The following GLIS1 variants were observed in gnomAD, a reference collection of about 807,000 sequenced individuals.
The protein encoded by GLIS1 is GLIS family zinc finger 1, also known as zinc finger protein GLIS1.
In GLIS1, 24 loss-of-function variants were observed where a neutral mutation model predicts 63.8. The observed-to-expected ratio is 0.38, with a 90% CI of 0.27 to 0.53. The LOEUF is 0.53. Among genes scored for constraint, GLIS1 ranks in the 20% least tolerant of loss-of-function variants. GLIS1 has a pLI of 0.85. For missense variants in GLIS1, 1,036 were observed against 1,074.1 expected (o/e 0.96, Z 0.50); for synonymous variants, 450 against 482.5 (o/e 0.93, Z 0.88).
Position 53,525,342 on chromosome 1 carries a change from G to A in GLIS1, c.1483-455C>T, listed in dbSNP as rs529026928. Among the ~76,000 whole-genome samples the A allele has an allele frequency of 9.1e-5, 12 of 132,460 alleles. 1 individual carries two copies. Among genetic ancestry groups the A allele is most frequent in the Admixed American group, 4.8e-4 (6 of 12,426 alleles). The allele number at this position is 132,460 out of a possible 152,430, so 86.9% of individuals were successfully genotyped here. On this transcript the variant is annotated intron_variant, in intron 5 of 10. Transcript: ENST00000628545. ...AGGGCCAGGCTAGGCGGCACTGACC[G>A]CACCTTGCAGGTAGGTGCAGAGGCA... is the stretch of plus-strand genomic sequence containing the variant.
At chr1:53,676,465 C>G (rs962190897) in intron 2 of GLIS1, among the ~76,000 whole-genome samples, 1 of 152,158 alleles carries the variant, frequency 6.6e-6, no homozygotes, top group African/African-American at 2.4e-5. Context: ...CCAACACACC[C>G]CCATAGGCCC....
intron 2 of GLIS1, among the ~76,000 whole-genome samples, chr1:53,654,809 G>T (rs1218056079): frequency 6.6e-6 from 1 of 152,002 alleles, no homozygotes; most frequent in African/African-American, 2.4e-5. Flanking sequence ...AGCAAGCCAG[G>T]GCTCCGAGAA....
At chr1:53,655,206 C>T (rs1322865680) in intron 2 of GLIS1, among the ~76,000 whole-genome samples, 2 of 152,100 alleles carry the variant, frequency 1.3e-5, no homozygotes, top group Non-Finnish European at 2.9e-5. Flanking sequence ...TCACCTGACA[C>T]CTTACTTAAA....
intron 2 of GLIS1, among the ~76,000 whole-genome samples, chr1:53,615,492 G>A (rs574364255): frequency 1.5e-4 from 23 of 152,292 alleles, no homozygotes; most frequent in African/African-American, 5.5e-4. Flanking sequence ...AGGTCCCAAG[G>A]AGCTGGAGCT....
At chr1:53,569,950 G>T (rs190203914) in intron 4 of GLIS1, among the ~76,000 whole-genome samples, 1 of 152,078 alleles carries the variant, frequency 6.6e-6, no homozygotes, top group African/African-American at 2.4e-5. Flanking sequence ...ACATGTTTAT[G>T]AACAATAAGA....
chr1:53,587,680 T>A (rs1645149291), intron 4 of GLIS1, among the ~76,000 whole-genome samples: 1 of 152,158 alleles, frequency 6.6e-6, no homozygotes, highest in Non-Finnish European at 1.5e-5. Flanking sequence ...GGTGACTGGG[T>A]GCTGGCTTCT....
rs1436788167 is a variant in GLIS1, at chr1:53,713,230, T to C, written c.259+24576A>G. ...CCAGCCTGGGCAACATGGTGAGACC[T>C]CATCTCTTCAAGACCAGCCTGGGCA... On this transcript the variant is annotated intron_variant, in intron 2 of 10. Coordinates refer to ENST00000628545, the MANE Select transcript of GLIS1 (RefSeq NM_001367484.1). Among the ~76,000 whole-genome samples, 16 of 57,182 alleles carry C rather than the reference T, an allele frequency of 2.8e-4. 1 individual carries two copies. The highest frequency in any genetic ancestry group is 0.01 in the Middle Eastern group (1 of 98). The allele number at this position is 57,182 out of a possible 152,430, so 37.5% of individuals were successfully genotyped here.
intron 4 of GLIS1, among the ~76,000 whole-genome samples, chr1:53,535,904 G>C (rs998286173): frequency 3.3e-5 from 5 of 152,058 alleles, no homozygotes; most frequent in African/African-American, 1.2e-4. Flanking sequence ...GTCCCTTGGT[G>C]CTGGCTTGGT....
chr1:53,545,387 T>C (rs1644687501), intron 4 of GLIS1, among the ~76,000 whole-genome samples: 2 of 152,234 alleles, frequency 1.3e-5, no homozygotes, highest in Non-Finnish European at 2.9e-5. Flanking sequence ...GGCGGCATCA[T>C]GGGGCAGACT....
chr1:53,664,928 C>T (rs1339562976), intron 2 of GLIS1, among the ~76,000 whole-genome samples: 1 of 151,888 alleles, frequency 6.6e-6, no homozygotes, highest in Non-Finnish European at 1.5e-5. Context: ...TGAGGGTGAG[C>T]AAGGAGGCCT....
intron 4 of GLIS1, among the ~76,000 whole-genome samples, chr1:53,566,236 G>C (rs1644935935): frequency 6.6e-6 from 1 of 152,034 alleles, no homozygotes; most frequent in Admixed American, 6.6e-5. Flanking sequence ...GGAAGTCCTA[G>C]CTAAGGAAGG....
intron 2 of GLIS1, among the ~76,000 whole-genome samples, chr1:53,613,250 A>G (rs7542387): frequency 0.53 from 80,392 of 152,060 alleles, 24,140 homozygotes; most frequent in Non-Finnish European, 0.66. Flanking sequence ...ATTCCATTCT[A>G]TGGTTGTACA....
intron 4 of GLIS1, among the ~76,000 whole-genome samples, chr1:53,585,854 A>T (rs1546806): frequency 0.049 from 7,385 of 152,268 alleles, 567 homozygotes; most frequent in East Asian, 0.39. Flanking sequence ...CTCTGCAGGT[A>T]CAGAGCACAG....
intron 2 of GLIS1, among the ~76,000 whole-genome samples, chr1:53,650,660 C>T (rs567812457): frequency 8.6e-5 from 13 of 151,590 alleles, no homozygotes; most frequent in African/African-American, 3.1e-4. Context: ...AGGGGATGCA[C>T]TGCTCTGTCA....
intron 2 of GLIS1, among the ~76,000 whole-genome samples, chr1:53,669,592 G>C: frequency 6.6e-6 from 1 of 152,214 alleles, no homozygotes; most frequent in East Asian, 1.9e-4. Flanking sequence ...CCAGGCTAGG[G>C]ACTGGAGGTC....
chr1:53,718,238 C>T (rs951588122), intron 2 of GLIS1, among the ~76,000 whole-genome samples: 4 of 152,168 alleles, frequency 2.6e-5, no homozygotes, highest in African/African-American at 9.7e-5. Context: ...ATATAGTAAA[C>T]CAGAATCCAG....
intron 4 of GLIS1, among the ~76,000 whole-genome samples, chr1:53,584,468 C>T (rs1465800575): frequency 1.3e-5 from 2 of 152,234 alleles, no homozygotes. Context: ...GCTCTCATGA[C>T]ATCCTGAGGA....
chr1:53,613,643 AT>A (rs1645448876), intron 2 of GLIS1, among the ~76,000 whole-genome samples: 1 of 38,540 alleles, frequency 2.6e-5, no homozygotes, highest in Non-Finnish European at 5.7e-5. Flanking sequence ...TAAAAATGAT[AT>A]TTTTGGTGGT....
chr1:53,620,621 A>G (rs184516781), intron 2 of GLIS1, among the ~76,000 whole-genome samples: 24 of 152,316 alleles, frequency 1.6e-4, no homozygotes, highest in African/African-American at 4.8e-4. Flanking sequence ...ACTGGCTCTC[A>G]TCCGCAGCTG....
Sources: gnomAD v4.1 joint callset for allele counts (sites outside exome capture counted in the v4.1 genomes callset) on GRCh38, gnomAD v4.1.1 for gene constraint, MANE v1.5 for transcripts, NCBI Gene and HGNC (gene_info 2026-07-23, HGNC 2026-07-21) for gene names.